Variants in TMEM70 observed in about 807,000 individuals in gnomAD.
TMEM70 encodes the protein transmembrane protein 70, mitochondrial.
TMEM70 carries 15 observed loss-of-function variants against 20.5 expected under a neutral mutation model. That is an observed-to-expected ratio of 0.73 (90% CI 0.49 to 1.13). The LOEUF (loss-of-function observed/expected upper bound fraction) is 1.13, where lower values mean the gene tolerates loss of function less well. Among genes scored for constraint, TMEM70 ranks in the 50% most tolerant of loss-of-function variants. The pLI is 0.00. For synonymous variants in TMEM70, 141 were observed against 134.2 expected, an observed-to-expected ratio of 1.05 and a Z score of -0.35; for missense variants, 344 against 331.7, an observed-to-expected ratio of 1.04 and a Z score of -0.29.
chr8:73,980,931 C>A (rs1267215163), intron 2 of TMEM70, among the ~76,000 whole-genome samples: 1 of 152,166 alleles, frequency 6.6e-6, no homozygotes, highest in African/African-American at 2.4e-5. Context: ...AGATTTCCTG[C>A]CTGGAGAGGC....
In TMEM70 at chr8:73,982,194, C is replaced by T. The variant is rs1318914534; in HGVS notation, c.*573C>T. On this transcript the variant is annotated 3_prime_UTR_variant, in exon 3 of 3. Coordinates refer to ENST00000312184, the MANE Select transcript of TMEM70 (RefSeq NM_017866.6). The stretch of plus-strand genomic sequence containing the variant: ...GGCAATTCACCGAATTCATATCACT[C>T]TAACGAGTTGCAACGTAAAATCCCT... The T allele has an allele frequency of 9.0e-6, 5 of 554,052 alleles. No homozygotes were observed. Among genetic ancestry groups the T allele is most frequent in the Non-Finnish European group, 1.4e-5 (4 of 282,808 alleles). 34.3% of individuals were successfully genotyped at this position (554,052 alleles called of 1,614,324 possible).
rs1815780687 is a variant in TMEM70, at chr8:73,981,091, G to C, written c.317-64G>C. 18 of 1,345,288 alleles carry C rather than the reference G, an allele frequency of 1.3e-5. No homozygotes were observed. In the East Asian group the frequency reaches 4.3e-4, roughly 32 times the overall value. The allele number at this position is 1,345,288 out of a possible 1,614,324, so 83.3% of individuals were successfully genotyped here. ...TAAGAAGAAAAATGGAAGAATTAGT[G>C]GGATAGATTGATTCTTTTATAAAAT... On this transcript the variant is annotated intron_variant, in intron 2 of 2. Transcript: ENST00000312184.
intron 2 of TMEM70, 55 bp downstream of exon 2, chr8:73,978,916 A>G: frequency 6.3e-7 from 1 of 1,597,544 alleles, no homozygotes; most frequent in South Asian, 1.1e-5. Flanking sequence ...TTAATTGTAA[A>G]AATATCCTTA....
chr8:73,981,539 A>G lies in TMEM70; in HGVS notation c.701A>G (p.His234Arg). The change falls in exon 3 of 3, where the codon CAT becomes CGT. Residue 234 changes from histidine to arginine, a missense_variant. By Grantham distance (29) the His-to-Arg change is conservative. Coordinates refer to ENST00000312184, the MANE Select transcript of TMEM70 (RefSeq NM_017866.6). The part of the protein sequence containing the change: ...VLFPNREDYI[H>R]LMGYDKEEFI... ...TTTCCAAACCGTGAAGACTATATCC[A>G]TCTAATGGGTTATGACAAAGAAGAA... The G allele has an allele frequency of 6.2e-7, 1 of 1,613,884 alleles. No homozygotes were observed. Among genetic ancestry groups the G allele is most frequent in the Non-Finnish European group, 8.5e-7 (1 of 1,179,862 alleles).
chr8:73,978,926 A>G, intron 2 of TMEM70, 65 bp downstream of exon 2: 1 of 1,572,722 alleles, frequency 6.4e-7, no homozygotes. Context: ...AAATATCCTT[A>G]CCATATCTTA....
intron 2 of TMEM70, among the ~76,000 whole-genome samples, chr8:73,979,584 T>C (rs1815738488): frequency 6.6e-6 from 1 of 152,154 alleles, no homozygotes; most frequent in Non-Finnish European, 1.5e-5. Flanking sequence ...CATTTTGAAG[T>C]ATACAGTTTA....
At position 73,982,580 on chromosome 8, in the gene TMEM70, G is replaced by A. The variant is rs200321818; in HGVS notation, c.*959G>A. The stretch of plus-strand genomic sequence containing the variant: ...TGGGAGCAGTTTTAAGTCTTCTTTG[G>A]TTCAGAACACAGGTTTTTGCCTAAC... On this transcript the variant is annotated 3_prime_UTR_variant, in exon 3 of 3. Coordinates refer to ENST00000312184, the MANE Select transcript of TMEM70 (RefSeq NM_017866.6). 1 of 491,682 alleles carries A rather than the reference G, an allele frequency of 2.0e-6. No homozygotes were observed. Among genetic ancestry groups the A allele is most frequent in the South Asian group, 1.5e-5 (1 of 64,994 alleles). 30.5% of individuals were successfully genotyped at this position (491,682 alleles called of 1,614,324 possible).
In TMEM70 at chr8:73,976,400, C is replaced by T. The variant is rs1815647550; in HGVS notation, c.119C>T (p.Ser40Phe). 1 of 1,587,926 alleles carries T rather than the reference C, an allele frequency of 6.3e-7. No individual in the cohort carries two copies. Among genetic ancestry groups the T allele is most frequent in the Non-Finnish European group, 8.5e-7 (1 of 1,174,652 alleles). The change falls in exon 1 of 3, where the codon TCC becomes TTC. Residue 40 changes from serine (S) to phenylalanine (F), a missense_variant. Physicochemically the swap from Ser to Phe is radical, Grantham distance 155 (BLOSUM62 -2). Transcript: ENST00000312184. Reference protein sequence around the residue: ...RGPRASVSRASSSSGPSGPVA... With the variant: ...RGPRASVSRAFSSSGPSGPVA... ...CCCCGGGCCTCTGTCTCCCGGGCGT[C>T]CTCCAGCAGCGGGCCTTCGGGGCCG...
At position 73,982,674 on chromosome 8, in the gene TMEM70, TAAG is replaced by T. The variant is rs1398230603; in HGVS notation, c.*1054_*1056del. The T allele has an allele frequency of 2.2e-6, 1 of 461,588 alleles. No individual in the cohort carries two copies. Among genetic ancestry groups the T allele is most frequent in the Non-Finnish European group, 4.3e-6 (1 of 231,492 alleles). The allele number at this position is 461,588 out of a possible 1,614,324, so 28.6% of individuals were successfully genotyped here. ...TGGTGGTTAGCTATACGGGAAATGG[TAAG>T]TAGTGTTGTCTTCAGTATCTTAATT... On this transcript the variant is annotated 3_prime_UTR_variant, in exon 3 of 3. Coordinates refer to ENST00000312184, the MANE Select transcript of TMEM70 (RefSeq NM_017866.6).
chr8:73,978,365 G>A (rs112472617), intron 1 of TMEM70, among the ~76,000 whole-genome samples: 35,065 of 149,842 alleles, frequency 0.23, 4,896 homozygotes, highest in African/African-American at 0.37. Flanking sequence ...GGGATTACAG[G>A]CATGAGCCAC....
At chr8:73,978,120 T>C (rs1054540020) in intron 1 of TMEM70, among the ~76,000 whole-genome samples, 2 of 152,040 alleles carry the variant, frequency 1.3e-5, no homozygotes, top group Admixed American at 6.6e-5. Flanking sequence ...GGAGTCGTGC[T>C]CTGTTGCCCA....
chr8:73,976,571 C>T (rs963359707), intron 1 of TMEM70, 80 bp downstream of exon 1: 2 of 1,326,992 alleles, frequency 1.5e-6, no homozygotes, highest in Non-Finnish European at 2.0e-6. Flanking sequence ...CCCAGCGGCT[C>T]TTCGCGACCT....
chr8:73,981,069 G>T (rs1451780748), intron 2 of TMEM70, 86 bp from the exon 3 acceptor site: 1 of 1,142,700 alleles, frequency 8.8e-7, no homozygotes, highest in Non-Finnish European at 1.3e-6. Context: ...GATACAGTAA[G>T]AAGAAAAATG....
At position 73,976,207 on chromosome 8, in the gene TMEM70, G is replaced by C; in HGVS notation, c.-75G>C. ...CTGGGCATGCGCCACTTGTGCGGCA[G>C]TCGGGTGGGAAGCCGTGTCTCGCAG... On this transcript the variant is annotated 5_prime_UTR_variant, in exon 1 of 3. Coordinates refer to ENST00000312184, the MANE Select transcript of TMEM70 (RefSeq NM_017866.6). 2 of 1,400,550 alleles carry C rather than the reference G, an allele frequency of 1.4e-6. No homozygotes were observed. The highest frequency in any genetic ancestry group is 2.0e-6 in the Non-Finnish European group (2 of 1,016,968). The allele number at this position is 1,400,550 out of a possible 1,614,324, so 86.8% of individuals were successfully genotyped here. A position where few individuals can be genotyped will look rare whatever the true frequency, so the allele number is the denominator to read the frequency against.
intron 2 of TMEM70, chr8:73,979,156 C>G: frequency 2.1e-6 from 1 of 486,004 alleles, no homozygotes; most frequent in Non-Finnish European, 4.0e-6. Context: ...GGCTCAGCCT[C>G]CTGCTGGGAT....
rs140061938 is a variant in TMEM70, at chr8:73,976,350, G to T, written c.69G>T (p.Leu23Phe). ...ELPLCGRRTA[L>F]CAAAALRGPR... ...CTCTCTGCGGAAGGAGGACTGCATT[G>T]TGTGCGGCCGCCGCGCTCCGAGGTC... The change falls in exon 1 of 3, where the codon TTG becomes TTT. Residue 23 changes from leucine to phenylalanine, a missense_variant. Physicochemically the swap from Leu to Phe is conservative, Grantham distance 22. Coordinates refer to ENST00000312184, the MANE Select transcript of TMEM70 (RefSeq NM_017866.6). The T allele has an allele frequency of 1.9e-4, 309 of 1,599,648 alleles. 4 individuals carry two copies. In the African/African-American group the frequency reaches 3.6e-3, roughly 18 times the overall value.
chr8:73,981,740 T>C lies in TMEM70; in HGVS notation c.*119T>C. The C allele has an allele frequency of 1.2e-6, 1 of 831,882 alleles. No individual in the cohort carries two copies. The highest frequency in any genetic ancestry group is 2.0e-6 in the Non-Finnish European group (1 of 507,896). The allele number at this position is 831,882 out of a possible 1,614,324, so 51.5% of individuals were successfully genotyped here. On this transcript the variant is annotated 3_prime_UTR_variant, in exon 3 of 3. Transcript: ENST00000312184. The stretch of plus-strand genomic sequence containing the variant: ...AAAATAATTTGAAATTATCAAAGCT[T>C]TTAATTTCCAGAGAATGATGTTTGT...
intron 2 of TMEM70, among the ~76,000 whole-genome samples, chr8:73,979,865 C>T (rs1454121347): frequency 1.3e-5 from 2 of 151,930 alleles, no homozygotes; most frequent in Non-Finnish European, 2.9e-5. Context: ...AACTCATTAC[C>T]ATCAGACCAG....
chr8:73,982,138 A>G lies in TMEM70; in HGVS notation c.*517A>G, dbSNP rs752141545. The G allele has an allele frequency of 7.7e-6, 4 of 521,406 alleles. No individual in the cohort carries two copies. The highest frequency in any genetic ancestry group is 1.5e-5 in the Non-Finnish European group (4 of 262,532). 32.3% of individuals were successfully genotyped at this position (521,406 alleles called of 1,614,324 possible). On this transcript the variant is annotated 3_prime_UTR_variant, in exon 3 of 3. Coordinates refer to ENST00000312184, the MANE Select transcript of TMEM70 (RefSeq NM_017866.6). ...CTTGCAGCAGCCATGGCTTTTAAAC[A>G]TACCAGAAAAACACCCGTGGAGTCA... is the stretch of plus-strand genomic sequence containing the variant.
Sources: allele counts gnomAD v4.1 joint callset (sites outside exome capture counted in the v4.1 genomes callset), GRCh38; gene constraint gnomAD v4.1.1; transcripts MANE v1.5; gene names NCBI Gene and HGNC (gene_info 2026-07-23, HGNC 2026-07-21).